Variants in PRKAG1 observed in about 807,000 individuals in gnomAD.
The protein encoded by PRKAG1 is protein kinase AMP-activated non-catalytic subunit gamma 1, also known as 5'-AMP-activated protein kinase subunit gamma-1.
In PRKAG1, 27 loss-of-function variants were observed where a neutral mutation model predicts 48.2. That is an observed-to-expected ratio of 0.56 (90% CI 0.41 to 0.77). PRKAG1 has a LOEUF of 0.77. Among genes scored for constraint, PRKAG1 ranks in the 30% least tolerant of loss-of-function variants. PRKAG1 has a pLI of 0.00. For synonymous variants in PRKAG1, 130 were observed against 147.7 expected (o/e 0.88, Z 0.87); for missense variants, 287 against 398.3 (o/e 0.72, Z 2.38).
At chr12:49,014,017 G>A (rs1478244973) in intron 1 of PRKAG1, among the ~76,000 whole-genome samples, 1 of 151,872 alleles carries the variant, frequency 6.6e-6, no homozygotes, top group Non-Finnish European at 1.5e-5. Flanking sequence ...CCTGAGAGCT[G>A]GAATTACAGG....
At chr12:49,010,874 T>C (rs1308790314) in intron 2 of PRKAG1, among the ~76,000 whole-genome samples, 5 of 151,840 alleles carry the variant, frequency 3.3e-5, no homozygotes, top group African/African-American at 1.2e-4. Flanking sequence ...GACAGAGTCT[T>C]GCTCTGTCAC....
rs777995514 is a variant in PRKAG1 at position 49,005,275 on chromosome 12, T to G, written c.309+31A>C. On this transcript the variant is annotated intron_variant, in intron 5 of 11. Transcript: ENST00000548065. The surrounding 1 kb of genome is among the most constrained non-coding windows in gnomAD (Gnocchi z 4.1). ...AATGAGGGATTTAGGGCAGGGAAAGTGATTTTGGTCATTGGGTTAAGGTTC... is the reference window on the plus strand; with the variant it reads ...AATGAGGGATTTAGGGCAGGGAAAGGGATTTTGGTCATTGGGTTAAGGTTC... The G allele has an allele frequency of 3.7e-6, 6 of 1,613,324 alleles. No individual in the cohort carries two copies. The highest frequency in any genetic ancestry group is 3.3e-5 in the Admixed American group (2 of 59,992).
chr12:49,009,046 T>C (rs1213262158), intron 2 of PRKAG1, among the ~76,000 whole-genome samples: 1 of 152,138 alleles, frequency 6.6e-6, no homozygotes, highest in East Asian at 1.9e-4. Context: ...ATGACTCCTA[T>C]TTAGATACTG....
In PRKAG1 at chr12:49,005,911, G is replaced by C; in HGVS notation, c.59-59C>G. On this transcript the variant is annotated intron_variant, in intron 2 of 11. Transcript: ENST00000548065. The surrounding 1 kb of genome is among the most constrained non-coding windows in gnomAD (Gnocchi z 4.1). ...CACATAAAAACTCCCAATCAAAAGA[G>C]ACAGAAAACAAAATAGTGTTCTAGT... 2 of 1,269,006 alleles carry C rather than the reference G, an allele frequency of 1.6e-6. No individual in the cohort carries two copies. The highest frequency in any genetic ancestry group is 2.2e-6 in the Non-Finnish European group (2 of 908,640). The allele number at this position is 1,269,006 out of a possible 1,614,324, so 78.6% of individuals were successfully genotyped here.
Position 49,018,732 on chromosome 12 carries a change from C to T in PRKAG1, c.9G>A (p.Thr3=). The stretch of plus-strand genomic sequence containing the variant: ...CCGACCGCCCTCCTGCACTCCTCAC[C>T]GTCTCCATTGCAAGAGGCGCCCGGC... ME[T]VISSDSSPAV... Residue 3 remains threonine (T), a splice_region_variant and synonymous_variant, in exon 1 of 12, where the codon ACG becomes ACA. Coordinates refer to ENST00000548065, the MANE Select transcript of PRKAG1 (RefSeq NM_002733.5). 6.2e-7 allele frequency: 1 copy of T among 1,613,312 alleles called. No homozygotes were observed.
At chr12:49,013,347 A>C (rs1362661212) in intron 1 of PRKAG1, among the ~76,000 whole-genome samples, 1 of 151,884 alleles carries the variant, frequency 6.6e-6, no homozygotes, top group African/African-American at 2.4e-5. Context: ...GGGTCAGGTG[A>C]TCCTCTCTCA....
Position 49,011,152 on chromosome 12 carries a change from A to T in PRKAG1, c.58+1910T>A, listed in dbSNP as rs189612323. 4.5e-4 allele frequency among the ~76,000 whole-genome samples: 69 copies of T among 152,156 alleles called. No homozygotes were observed. In the East Asian group the frequency reaches 9.7e-3, roughly 21 times the overall value. On this transcript the variant is annotated intron_variant, in intron 2 of 11. Coordinates refer to ENST00000548065, the MANE Select transcript of PRKAG1 (RefSeq NM_002733.5). Reference sequence around the variant, plus strand: ...GCCACTACGCGCAGCCCAATCTACCAATCTACCGTCTTTAACTGGAAGCCT... The same window carrying T: ...GCCACTACGCGCAGCCCAATCTACCTATCTACCGTCTTTAACTGGAAGCCT...
intron 1 of PRKAG1, among the ~76,000 whole-genome samples, chr12:49,015,686 C>T (rs149887937): frequency 5.9e-4 from 90 of 152,118 alleles, no homozygotes; most frequent in African/African-American, 2.1e-3. Context: ...GATTCTCCTG[C>T]CTCAGCCTCC....
At chr12:49,003,727 C>G (rs1170980149) in intron 9 of PRKAG1, 30 bp downstream of exon 9, 1 of 1,606,544 alleles carries the variant, frequency 6.2e-7, no homozygotes, top group Non-Finnish European at 8.5e-7. Flanking sequence ...CCTGGATCTT[C>G]CCTCCCTCTC....
At chr12:49,018,544 G>T in intron 1 of PRKAG1, 188 bp downstream of exon 1, 1 of 1,454,746 alleles carries the variant, frequency 6.9e-7, no homozygotes, top group Non-Finnish European at 9.0e-7. Context: ...CGGGGACGCG[G>T]CCCAGTTCCA....
intron 1 of PRKAG1, chr12:49,018,491 T>G: frequency 3.6e-6 from 5 of 1,377,354 alleles, no homozygotes; most frequent in Admixed American, 3.3e-5. Flanking sequence ...GAGCCAGGAG[T>G]CACTGCCTGC....
chr12:49,003,670 GGCTAA>G lies in PRKAG1; in HGVS notation c.704-80_704-76del, dbSNP rs527826405. ...CCCCTACTCATAGAATCACCCTCCT[GGCTAA>G]GCTGAGGGGAAAGCAGATCTTCCCA... On this transcript the variant is annotated intron_variant, in intron 9 of 11. Transcript: ENST00000548065. 3.9e-5 allele frequency: 63 copies of G among 1,609,134 alleles called. 2 individuals carry two copies. Among genetic ancestry groups the G allele is most frequent in the South Asian group, 2.1e-4 (19 of 90,800 alleles).
At chr12:49,017,393 G>C (rs138728522) in intron 1 of PRKAG1, 1 of 348,952 alleles carries the variant, frequency 2.9e-6, no homozygotes, top group Non-Finnish European at 5.6e-6. Flanking sequence ...TTTTGTTTCT[G>C]TCGAGACAGG....
At chr12:49,008,893 T>TG (rs1941651972) in intron 2 of PRKAG1, among the ~76,000 whole-genome samples, 1 of 152,216 alleles carries the variant, frequency 6.6e-6, no homozygotes, top group Non-Finnish European at 1.5e-5. Context: ...GACTGTGCTT[T>TG]GGGTGGGTCA....
intron 2 of PRKAG1, among the ~76,000 whole-genome samples, chr12:49,011,960 A>C (rs11168822): frequency 0.38 from 57,602 of 149,630 alleles, 11,029 homozygotes; most frequent in South Asian, 0.46. Context: ...CAGGTTCTAA[A>C]AATTCTCCTG....
chr12:49,011,058 G>C (rs1201101926), intron 2 of PRKAG1, among the ~76,000 whole-genome samples: 2 of 152,008 alleles, frequency 1.3e-5, no homozygotes, highest in African/African-American at 4.8e-5. Flanking sequence ...GGCCAGGCTG[G>C]TCTCAAACTC....
rs903936350 is a variant in PRKAG1, at chr12:49,003,195, G to A, written c.837C>T (p.Cys279=). 1.1e-5 allele frequency: 18 copies of A among 1,614,188 alleles called. No individual in the cohort carries two copies. The highest frequency in any genetic ancestry group is 1.4e-5 in the Non-Finnish European group (17 of 1,180,036). ...RSHYFEGVLK[C]YLHETLETII... ...TGGTCTCCAGAGTCTCATGCAGGTA[G>A]CACTTGAGAACACCCTCAAAGTAAT... The change falls in exon 11 of 12, where the codon TGC becomes TGT. Residue 279 remains cysteine (C), a synonymous_variant. Transcript: ENST00000548065.
In PRKAG1 at chr12:49,002,839, G is replaced by A. The variant is rs973353874; in HGVS notation, c.*60C>T. On this transcript the variant is annotated 3_prime_UTR_variant, in exon 12 of 12. Transcript: ENST00000548065. ...TCAAGTTTCATCTGATTCCCACAGA[G>A]CTTCCAGCAGGCAGTGAGTTGGGCA... 1.4e-5 allele frequency: 21 copies of A among 1,468,842 alleles called. No homozygotes were observed. Among genetic ancestry groups the A allele is most frequent in the Middle Eastern group, 1.7e-4 (1 of 5,740 alleles). The allele number at this position is 1,468,842 out of a possible 1,614,324, so 91.0% of individuals were successfully genotyped here.
At chr12:49,016,055 T>C (rs1941957018) in intron 1 of PRKAG1, among the ~76,000 whole-genome samples, 1 of 151,886 alleles carries the variant, frequency 6.6e-6, no homozygotes, top group Admixed American at 6.6e-5. Context: ...CTCCGACTTC[T>C]GCCTCCCGGG....
Sources: gnomAD v4.1 joint callset for allele counts (sites outside exome capture counted in the v4.1 genomes callset) on GRCh38, gnomAD v4.1.1 for gene constraint, Gnocchi (gnomAD v3.1) non-coding constraint, MANE v1.5 for transcripts, NCBI Gene and HGNC (gene_info 2026-07-23, HGNC 2026-07-21) for gene names.